RAB37: variants seen among roughly 807,000 people sequenced by gnomAD.
The protein encoded by RAB37 is RAB37, member RAS oncogene family.
RAB37 carries 29 observed loss-of-function variants against 33.1 expected under a neutral mutation model. The ratio of observed to expected loss-of-function variants is 0.88; its 90% CI spans 0.65 to 1.20. The LOEUF is 1.20. Ranked by LOEUF, RAB37 falls within the 50% of genes most tolerant of loss-of-function variation. RAB37 has a pLI of 0.00. For missense variants in RAB37, 299 were observed against 301.1 expected, an observed-to-expected ratio of 0.99 and a Z score of 0.05; for synonymous variants, 128 against 119.5, an observed-to-expected ratio of 1.07 and a Z score of -0.47.
chr17:74,690,005 G>A (rs1296561165), intron 1 of RAB37, among the ~76,000 whole-genome samples: 1 of 152,164 alleles, frequency 6.6e-6, no homozygotes, highest in East Asian at 1.9e-4. Context: ...AGGCTGGTGT[G>A]CAGTGGTACC....
chr17:74,728,179 T>G (rs2034330084), intron 1 of RAB37, among the ~76,000 whole-genome samples: 1 of 151,944 alleles, frequency 6.6e-6, no homozygotes, highest in South Asian at 2.1e-4. Flanking sequence ...TGTCTGTGTA[T>G]ATGCATGTCT....
In RAB37 at chr17:74,746,715, A is replaced by AC. The variant is rs1433977835; in HGVS notation, c.*1306dup. 2 of 151,604 alleles carry AC rather than the reference A, an allele frequency of 1.3e-5. No individual in the cohort carries two copies. The highest frequency in any genetic ancestry group is 2.1e-4 in the South Asian group (1 of 4,788). The allele number at this position is 151,604 out of a possible 1,614,324, so 9.4% of individuals were successfully genotyped here. ...GCTGGTGGGAGACAAGATTAAGCAA[A>AC]CCTCCCCTGACATGTATCCCTTTGA... On this transcript the variant is annotated 3_prime_UTR_variant, in exon 9 of 9. Transcript: ENST00000392613. This position sits in a 1 kb window ranked among gnomAD's most constrained non-coding sequence, Gnocchi z 5.2.
chr17:74,729,408 G>A lies in RAB37; in HGVS notation c.183+42G>A, dbSNP rs1438358213. 7.2e-7 allele frequency: 1 copy of A among 1,384,800 alleles called. No individual in the cohort carries two copies. The highest frequency in any genetic ancestry group is 2.3e-5 in the East Asian group (1 of 43,866). 85.8% of individuals were successfully genotyped at this position (1,384,800 alleles called of 1,614,324 possible). A position where few individuals can be genotyped will look rare whatever the true frequency, so the allele number is the denominator to read the frequency against. The stretch of plus-strand genomic sequence containing the variant: ...ACTGCCAGCTCTGGGCCTGGGCTCA[G>A]GACCCCAGCGTGTTTCTGTTGAGTG... On this transcript the variant is annotated intron_variant, in intron 2 of 7. Coordinates refer to the RAB37 transcript ENST00000340415. This position sits in a 1 kb window ranked among gnomAD's most constrained non-coding sequence, Gnocchi z 4.2.
At chr17:74,740,732 G>T in intron 1 of RAB37, 36 bp from the exon 2 acceptor site, 1 of 1,416,680 alleles carries the variant, frequency 7.1e-7, no homozygotes, top group South Asian at 1.1e-5. Context: ...AGCTGCCCCT[G>T]ACTCCCCATT....
chr17:74,743,255 C>T (rs376018909), intron 4 of RAB37, 33 bp from the exon 5 acceptor site: 1 of 1,613,836 alleles, frequency 6.2e-7, no homozygotes, highest in Non-Finnish European at 8.5e-7. Context: ...CGTGCTGCTG[C>T]CTAAGTCCCC....
intron 1 of RAB37, among the ~76,000 whole-genome samples, chr17:74,699,338 C>A (rs1456957658): frequency 6.6e-6 from 1 of 152,160 alleles, no homozygotes; most frequent in East Asian, 1.9e-4. Context: ...TCTACACCTG[C>A]CCTCTCTACT....
chr17:74,698,222 TC>T, intron 1 of RAB37: 1 of 652,012 alleles, frequency 1.5e-6, no homozygotes, highest in Non-Finnish European at 2.6e-6. Context: ...CGCCCCCCGG[TC>T]CCCTGGCACT....
At position 74,731,162 on chromosome 17, in the gene RAB37, G is replaced by A. The variant is rs549620700; in HGVS notation, c.183+1796G>A. ...TCGGGGTCTCCTCCAGATATCAGCGGTCTGGGGGTCCCCGGAGAGCCAGGC... is the reference window on the plus strand; with the variant it reads ...TCGGGGTCTCCTCCAGATATCAGCGATCTGGGGGTCCCCGGAGAGCCAGGC... On this transcript the variant is annotated intron_variant, in intron 2 of 7. Transcript: ENST00000340415. Among the ~76,000 whole-genome samples the A allele has an allele frequency of 8.5e-5, 13 of 152,370 alleles. No individual in the cohort carries two copies. In the South Asian group the frequency reaches 2.7e-3, roughly 32 times the overall value.
chr17:74,699,339 C>T (rs558613401), intron 1 of RAB37, among the ~76,000 whole-genome samples: 1 of 152,288 alleles, frequency 6.6e-6, no homozygotes, highest in East Asian at 1.9e-4. Context: ...CTACACCTGC[C>T]CTCTCTACTG....
At chr17:74,712,543 CCT>C (rs1352028870) in intron 1 of RAB37, among the ~76,000 whole-genome samples, 1 of 152,254 alleles carries the variant, frequency 6.6e-6, no homozygotes, top group Non-Finnish European at 1.5e-5. Context: ...CCATGTTCCT[CCT>C]CTGCTTTTCC....
chr17:74,734,528 A>C (rs374632563), upstream of RAB37, among the ~76,000 whole-genome samples: 5 of 152,118 alleles, frequency 3.3e-5, no homozygotes, highest in East Asian at 7.7e-4. Flanking sequence ...TTCTTCCTCC[A>C]CCATTTCCCT....
At chr17:74,704,547 T>A in intron 1 of RAB37, 1 of 1,614,178 alleles carries the variant, frequency 6.2e-7, no homozygotes, top group Non-Finnish European at 8.5e-7. Context: ...CACCAGTAAG[T>A]GTCAGCATCA....
intron 1 of RAB37, among the ~76,000 whole-genome samples, chr17:74,714,396 AACACACACACACAC>A (rs3046673): frequency 4.4e-5 from 6 of 137,874 alleles, no homozygotes; most frequent in Admixed American, 2.2e-4. Flanking sequence ...TGTCTCTTTA[AACACACACACACAC>A]ACACACACAC....
intron 1 of RAB37, among the ~76,000 whole-genome samples, chr17:74,700,398 C>T (rs1343474806): frequency 6.6e-6 from 1 of 152,044 alleles, no homozygotes. Context: ...GAACATGCTC[C>T]CTCCAGAGCT....
At chr17:74,714,344 CCACTGTT>C in intron 1 of RAB37, among the ~76,000 whole-genome samples, 1 of 151,308 alleles carries the variant, frequency 6.6e-6, no homozygotes, top group South Asian at 2.1e-4. Flanking sequence ...TATGATTGAG[CCACTGTT>C]CACTGTACTC....
At chr17:74,685,862 G>A (rs952908046) in intron 1 of RAB37, among the ~76,000 whole-genome samples, 6 of 152,186 alleles carry the variant, frequency 3.9e-5, no homozygotes, top group Admixed American at 6.5e-5. Context: ...AAGACCCTGC[G>A]TGCAGAGCTG....
intron 1 of RAB37, among the ~76,000 whole-genome samples, chr17:74,707,546 C>T (rs751975181): frequency 1.4e-4 from 22 of 152,084 alleles, no homozygotes; most frequent in Non-Finnish European, 2.9e-4. Context: ...GAAATCTTGT[C>T]TCTACTAAAA....
At chr17:74,736,854 T>C (rs562754858), upstream of RAB37, 1 of 1,523,528 alleles carries the variant, frequency 6.6e-7, no homozygotes, top group African/African-American at 1.4e-5. Context: ...GCTCCCCGCC[T>C]CGCCACCTGG....
In RAB37 at chr17:74,738,879, G is replaced by T. The variant is rs1039125871; in HGVS notation, c.93+1514G>T. 6.6e-6 allele frequency among the ~76,000 whole-genome samples: 1 copy of T among 152,164 alleles called. No individual in the cohort carries two copies. Among genetic ancestry groups the T allele is most frequent in the African/African-American group, 2.4e-5 (1 of 41,424 alleles). On this transcript the variant is annotated intron_variant, in intron 1 of 8. Coordinates refer to ENST00000392613, the MANE Select transcript of RAB37 (RefSeq NM_001006638.3). This position sits in a 1 kb window ranked among gnomAD's most constrained non-coding sequence, Gnocchi z 5.0. The stretch of plus-strand genomic sequence containing the variant: ...CCCACCCTGGGCCACTCTTCCCTGG[G>T]TCTTAGGTGATTCACCACGATGATG...
Sources: allele counts gnomAD v4.1 joint callset (sites outside exome capture counted in the v4.1 genomes callset), GRCh38; gene constraint gnomAD v4.1.1; non-coding constraint Gnocchi (gnomAD v3.1); transcripts MANE v1.5; gene names NCBI Gene and HGNC (gene_info 2026-07-23, HGNC 2026-07-21).